The following NAALADL2 variants were observed in gnomAD, a reference collection of about 807,000 sequenced individuals.
NAALADL2 encodes N-acetylated alpha-linked acidic dipeptidase like 2, also known as inactive N-acetylated-alpha-linked acidic dipeptidase-like protein 2.
NAALADL2 carries 76 observed loss-of-function variants against 87.2 expected under a neutral mutation model. The observed-to-expected ratio is 0.87, with a 90% CI of 0.72 to 1.05. NAALADL2 has a LOEUF of 1.05. NAALADL2 is among the 50% of genes least tolerant of loss of function. The pLI, the probability that NAALADL2 is intolerant of heterozygous loss-of-function variation, is 0.00. For synonymous variants in NAALADL2, 354 were observed against 331.0 expected (o/e 1.07, Z -0.75); for missense variants, 1,089 against 945.8 (o/e 1.15, Z -1.99).
chr3:175,374,831 A>C (rs1394851622), intron 5 of NAALADL2, among the ~76,000 whole-genome samples: 2 of 151,568 alleles, frequency 1.3e-5, no homozygotes, highest in African/African-American at 4.8e-5. Flanking sequence ...CTGTAATGAC[A>C]CTACTGCACT....
intron 2 of NAALADL2, among the ~76,000 whole-genome samples, chr3:174,713,100 A>G (rs1730831887): frequency 6.6e-6 from 1 of 152,172 alleles, no homozygotes; most frequent in African/African-American, 2.4e-5. Flanking sequence ...GATGGGTTCC[A>G]GATTCATCCA....
chr3:175,298,822 T>G (rs2110201757), intron 4 of NAALADL2, among the ~76,000 whole-genome samples: 1 of 152,300 alleles, frequency 6.6e-6, no homozygotes, highest in South Asian at 2.1e-4. Flanking sequence ...AAAATGTACT[T>G]CTGTGAAATA....
intron 2 of NAALADL2, among the ~76,000 whole-genome samples, chr3:174,668,970 T>C (rs1225999242): frequency 1.3e-5 from 2 of 152,176 alleles, no homozygotes; most frequent in Non-Finnish European, 2.9e-5. Context: ...GTATTTCTAG[T>C]TCTAGATCCC....
intron 1 of NAALADL2, among the ~76,000 whole-genome samples, chr3:174,940,264 T>A (rs1738378019): frequency 6.6e-6 from 1 of 152,168 alleles, no homozygotes; most frequent in African/African-American, 2.4e-5. Context: ...TCCATTGAGA[T>A]AATCATGTGG....
At chr3:175,593,596 G>A (rs2149612167) in intron 10 of NAALADL2, among the ~76,000 whole-genome samples, 1 of 152,240 alleles carries the variant, frequency 6.6e-6, no homozygotes, top group African/African-American at 2.4e-5. Context: ...TGGTTCTTCT[G>A]AGGGTGGCAA....
At chr3:174,593,272 G>A (rs1172418804) in intron 2 of NAALADL2, among the ~76,000 whole-genome samples, 1 of 152,140 alleles carries the variant, frequency 6.6e-6, no homozygotes, top group Non-Finnish European at 1.5e-5. Context: ...TTCAGGGACA[G>A]AGTTGAAATG....
At chr3:175,565,548 T>G (rs991531056) in intron 9 of NAALADL2, among the ~76,000 whole-genome samples, 1 of 152,100 alleles carries the variant, frequency 6.6e-6, no homozygotes, top group Non-Finnish European at 1.5e-5. Flanking sequence ...GTTGTCAACT[T>G]AAGTGTCCCT....
At chr3:174,926,099 G>A (rs1735985038) in intron 1 of NAALADL2, among the ~76,000 whole-genome samples, 2 of 152,136 alleles carry the variant, frequency 1.3e-5, no homozygotes, top group South Asian at 4.1e-4. Context: ...GTGGAAGAAA[G>A]GGTATCAGTG....
At position 175,202,068 on chromosome 3, in the gene NAALADL2, A is replaced by G. The variant is rs150409946; in HGVS notation, c.546-31863A>G. On this transcript the variant is annotated intron_variant, in intron 2 of 13. Transcript: ENST00000454872. ...CTATTTATTTTTTTTTTTACATACG[A>G]AAACTAAGGCACAGACACTTAACAG... is the stretch of plus-strand genomic sequence containing the variant. Among the ~76,000 whole-genome samples the G allele has an allele frequency of 4.3e-3, 661 of 152,206 alleles. 2 individuals are homozygous for G. Among genetic ancestry groups the G allele is most frequent in the African/African-American group, 0.015 (637 of 41,512 alleles).
At chr3:175,228,399 A>G (rs1744462771) in intron 2 of NAALADL2, among the ~76,000 whole-genome samples, 1 of 151,946 alleles carries the variant, frequency 6.6e-6, no homozygotes, top group African/African-American at 2.4e-5. Context: ...TTCCATTTTG[A>G]GTAATTTGTT....
intron 11 of NAALADL2, chr3:175,676,781 A>C (rs980207507): frequency 1.3e-5 from 2 of 152,088 alleles, no homozygotes; most frequent in Non-Finnish European, 2.9e-5. Context: ...CAAAACCTAT[A>C]TCCTGGCCAA....
At chr3:175,172,766 A>T (rs368025282) in intron 2 of NAALADL2, among the ~76,000 whole-genome samples, 1 of 152,162 alleles carries the variant, frequency 6.6e-6, no homozygotes, top group Admixed American at 6.6e-5. Context: ...TGAGGCAGTG[A>T]GTTCTAAATG....
At chr3:175,205,531 C>T (rs188788104) in intron 2 of NAALADL2, among the ~76,000 whole-genome samples, 2 of 152,190 alleles carry the variant, frequency 1.3e-5, no homozygotes, top group Non-Finnish European at 2.9e-5. Flanking sequence ...TAGATATTGG[C>T]TTAGGCAAGG....
chr3:174,715,301 A>G (rs991577080), intron 2 of NAALADL2, among the ~76,000 whole-genome samples: 27 of 152,156 alleles, frequency 1.8e-4, no homozygotes, highest in African/African-American at 6.5e-4. Flanking sequence ...CAGAGGTTAT[A>G]TTGCATAAGT....
intron 1 of NAALADL2, among the ~76,000 whole-genome samples, chr3:175,028,936 G>A (rs1752502394): frequency 6.6e-6 from 1 of 151,256 alleles, no homozygotes; most frequent in Admixed American, 6.6e-5. Flanking sequence ...AGTCTCATAA[G>A]TTGTATATTT....
Position 175,297,431 on chromosome 3 carries a change from C to G in NAALADL2, c.940-26744C>G, listed in dbSNP as rs2110192591. Among the ~76,000 whole-genome samples the G allele has an allele frequency of 2.0e-5, 3 of 152,288 alleles. 1 individual carries two copies. The South Asian group carries it at 6.2e-4, about 32-fold the overall frequency. ...CATGGACTGCCAAAAATGTCCTCAT[C>G]TTCTGGGAATACTTTATGATTTATT... is the stretch of plus-strand genomic sequence containing the variant. On this transcript the variant is annotated intron_variant, in intron 4 of 13. Transcript: ENST00000454872.
chr3:175,118,586 G>A (rs1422827737), intron 2 of NAALADL2, among the ~76,000 whole-genome samples: 2 of 151,660 alleles, frequency 1.3e-5, no homozygotes, highest in Admixed American at 6.6e-5. Context: ...CCACACACAA[G>A]AGAACAATAA....
chr3:174,847,212 CT>C (rs1437300610), intron 3 of NAALADL2, among the ~76,000 whole-genome samples: 1 of 152,154 alleles, frequency 6.6e-6, no homozygotes, highest in Non-Finnish European at 1.5e-5. Context: ...TACCTTTCCC[CT>C]ACTTTCCTAG....
At chr3:175,047,159 T>C (rs919714458) in intron 1 of NAALADL2, among the ~76,000 whole-genome samples, 9 of 152,054 alleles carry the variant, frequency 5.9e-5, no homozygotes, top group South Asian at 2.1e-4. Context: ...TACCATCCCA[T>C]TGGGGGTTTG....
Sources: allele counts gnomAD v4.1 joint callset (sites outside exome capture counted in the v4.1 genomes callset), GRCh38; gene constraint gnomAD v4.1.1; transcripts MANE v1.5; gene names NCBI Gene and HGNC (gene_info 2026-07-23, HGNC 2026-07-21).